The following KTN1 variants were observed in gnomAD, a reference collection of about 807,000 sequenced individuals.
KTN1 encodes kinectin 1.
In KTN1, 130 loss-of-function variants were observed where a neutral mutation model predicts 222.5. The ratio of observed to expected loss-of-function variants is 0.58; its 90% CI spans 0.51 to 0.68. KTN1 has a LOEUF of 0.68. Among genes scored for constraint, KTN1 ranks in the 30% least tolerant of loss-of-function variants. KTN1 has a pLI of 0.00. For missense variants in KTN1, 1,508 were observed against 1,500.4 expected (o/e 1.01, Z -0.08); for synonymous variants, 512 against 496.3 (o/e 1.03, Z -0.42).
At chr14:55,643,291 C>G (rs73289509) in intron 18 of KTN1, among the ~76,000 whole-genome samples, 6,611 of 152,174 alleles carry the variant, frequency 0.043, 485 homozygotes, top group African/African-American at 0.15. Context: ...TCTCTCCCCC[C>G]ACCCTCCCTT....
intron 1 of KTN1, among the ~76,000 whole-genome samples, chr14:55,610,335 G>A (rs1196079857): frequency 1.3e-5 from 2 of 151,606 alleles, no homozygotes; most frequent in East Asian, 3.9e-4. Context: ...CAGCAAATAC[G>A]TATTTTCAGT....
chr14:55,676,632 G>A (rs1175138142), intron 41 of KTN1, among the ~76,000 whole-genome samples: 1 of 152,070 alleles, frequency 6.6e-6, no homozygotes, highest in Admixed American at 6.5e-5. Flanking sequence ...TCTCAACATG[G>A]TATGAGAACA....
intron 20 of KTN1, 65 bp from the exon 21 acceptor site, chr14:55,648,737 A>G (rs2042640652): frequency 9.4e-7 from 1 of 1,060,496 alleles, no homozygotes; most frequent in African/African-American, 1.6e-5. Context: ...AAACTAATGT[A>G]TTTTGAAGCT....
intron 1 of KTN1, among the ~76,000 whole-genome samples, chr14:55,582,799 C>G (rs777257055): frequency 6.6e-6 from 1 of 152,166 alleles, no homozygotes; most frequent in Non-Finnish European, 1.5e-5. Flanking sequence ...TGAGAAAAAT[C>G]GTGCTTTGCA....
At chr14:55,611,559 AC>A (rs2037578864) in intron 1 of KTN1, among the ~76,000 whole-genome samples, 1 of 151,786 alleles carries the variant, frequency 6.6e-6, no homozygotes, top group Non-Finnish European at 1.5e-5. Context: ...TAAATAAACC[AC>A]CTCTTTTTGC....
At chr14:55,642,765 T>C (rs971570014) in intron 18 of KTN1, among the ~76,000 whole-genome samples, 2 of 152,184 alleles carry the variant, frequency 1.3e-5, no homozygotes, top group African/African-American at 2.4e-5. Flanking sequence ...CCATTTATTC[T>C]ACCTCCCCGT....
intron 32 of KTN1, chr14:55,663,150 A>G (rs1404576688): frequency 9.6e-6 from 3 of 313,404 alleles, no homozygotes; most frequent in South Asian, 2.8e-5. Flanking sequence ...TGCCAAGTAC[A>G]GTGGTTGGCA....
intron 1 of KTN1, among the ~76,000 whole-genome samples, chr14:55,611,096 T>A (rs1223091949): frequency 6.6e-6 from 1 of 152,168 alleles, no homozygotes; most frequent in Non-Finnish European, 1.5e-5. Flanking sequence ...TTCACTATTT[T>A]ATTTTTTTGA....
At chr14:55,647,604 G>A (rs12434660) in intron 19 of KTN1, among the ~76,000 whole-genome samples, 32,844 of 128,282 alleles carry the variant, frequency 0.26, 4,161 homozygotes, top group East Asian at 0.33. Flanking sequence ...TTGCACTCCA[G>A]CCTGGGCGAC....
chr14:55,622,966 T>TTTTG (rs2039356886), intron 5 of KTN1, among the ~76,000 whole-genome samples: 1 of 152,228 alleles, frequency 6.6e-6, no homozygotes, highest in African/African-American at 2.4e-5. Context: ...TCTCTGGTTC[T>TTTTG]TCTGTCATAC....
intron 2 of KTN1, among the ~76,000 whole-genome samples, chr14:55,615,712 AAG>A (rs1313459160): frequency 2.0e-5 from 3 of 152,144 alleles, no homozygotes; most frequent in South Asian, 2.1e-4. Context: ...AAAAGGAACT[AAG>A]AGTATTTTGT....
chr14:55,675,971 C>T (rs1051148942), intron 41 of KTN1, 53 bp downstream of exon 41: 6 of 1,185,074 alleles, frequency 5.1e-6, no homozygotes, highest in Admixed American at 2.0e-5. Flanking sequence ...GTTGTGTGTT[C>T]AATCTTAAGC....
At chr14:55,589,304 G>C (rs1351067739) in intron 1 of KTN1, among the ~76,000 whole-genome samples, 1 of 152,084 alleles carries the variant, frequency 6.6e-6, no homozygotes, top group Non-Finnish European at 1.5e-5. Flanking sequence ...GGTATAAAGA[G>C]ATTCTTTTTT....
intron 8 of KTN1, among the ~76,000 whole-genome samples, chr14:55,634,107 C>G (rs2040843574): frequency 6.6e-6 from 1 of 151,874 alleles, no homozygotes; most frequent in Admixed American, 6.6e-5. Flanking sequence ...GTACTCCAGC[C>G]TGGGTGACAG....
rs1015374521 is a variant in KTN1, at chr14:55,641,335, G to A, written c.2103+127G>A. On this transcript the variant is annotated intron_variant, in intron 17 of 43. Transcript: ENST00000395314. ...AAACAGTGTTTCTGTAGTTTATTAGGGGACTTATGCAAACCATGAATTTTA... is the reference window on the plus strand; with the variant it reads ...AAACAGTGTTTCTGTAGTTTATTAGAGGACTTATGCAAACCATGAATTTTA... 9 of 611,910 alleles carry A rather than the reference G, an allele frequency of 1.5e-5. No individual in the cohort carries two copies. The Admixed American group carries it at 3.1e-4, about 21-fold the overall frequency. The allele number at this position is 611,910 out of a possible 1,614,324, so 37.9% of individuals were successfully genotyped here.
At chr14:55,662,852 C>A (rs1030228011) in intron 32 of KTN1, 1 of 455,724 alleles carries the variant, frequency 2.2e-6, no homozygotes, top group Non-Finnish European at 4.4e-6. Context: ...GTGAACTTGC[C>A]GATATACTGC....
At chr14:55,599,761 C>T (rs1482518653) in intron 1 of KTN1, among the ~76,000 whole-genome samples, 2 of 151,834 alleles carry the variant, frequency 1.3e-5, no homozygotes, top group Non-Finnish European at 1.5e-5. Flanking sequence ...AGGAAGGGGG[C>T]AGTAGGGGGA....
intron 1 of KTN1, among the ~76,000 whole-genome samples, chr14:55,602,997 C>T (rs905692305): frequency 2.0e-5 from 3 of 152,176 alleles, no homozygotes; most frequent in Admixed American, 6.5e-5. Flanking sequence ...CCTTTCCTGT[C>T]CTGGGTCTGT....
Position 55,661,531 on chromosome 14 carries a change from AAGAG to A in KTN1, c.3013_3016del (p.Glu1005LysfsTer3). On this transcript the variant is annotated frameshift_variant, in exon 32 of 44. Coordinates refer to ENST00000395314, the MANE Select transcript of KTN1 (RefSeq NM_001079521.2). LOFTEE classifies it high-confidence loss of function. ...TCATGTTCTGGTTTAGAATTTCAGA[AAGAG>A]AGAAAGAAATAAGTGGTCTCTGGAA... The A allele has an allele frequency of 6.3e-7, 1 of 1,587,124 alleles. No individual in the cohort carries two copies. Among genetic ancestry groups the A allele is most frequent in the Non-Finnish European group, 8.7e-7 (1 of 1,155,858 alleles).
Sources: gnomAD v4.1 joint callset for allele counts (sites outside exome capture counted in the v4.1 genomes callset) on GRCh38, gnomAD v4.1.1 for gene constraint, MANE v1.5 for transcripts, NCBI Gene and HGNC (gene_info 2026-07-23, HGNC 2026-07-21) for gene names.